Variants in SOS2 observed in about 807,000 individuals in gnomAD.
The protein encoded by SOS2 is son of sevenless homolog 2.
SOS2 carries 65 observed loss-of-function variants against 148.2 expected under a neutral mutation model. The ratio of observed to expected loss-of-function variants is 0.44; its 90% confidence interval spans 0.36 to 0.54. The LOEUF is 0.54. SOS2 is among the 20% of genes least tolerant of loss of function. The pLI is 0.00. For missense variants in SOS2, 1,341 were observed against 1,590.2 expected, an observed-to-expected ratio of 0.84 and a Z score of 2.67; for synonymous variants, 539 against 537.1, an observed-to-expected ratio of 1.00 and a Z score of -0.05.
intron 18 of SOS2, among the ~76,000 whole-genome samples, chr14:50,137,385 T>C (rs1401969172): frequency 1.3e-5 from 2 of 152,194 alleles, no homozygotes; most frequent in African/African-American, 2.4e-5. Context: ...TTATCTAAAA[T>C]GGCTATCAAA....
intron 2 of SOS2, among the ~76,000 whole-genome samples, chr14:50,203,593 T>C (rs1207149252): frequency 3.9e-4 from 1 of 2,560 alleles, no homozygotes; most frequent in Non-Finnish European, 9.8e-4. Context: ...GTTTTTCAGA[T>C]ATATATATAT....
intron 4 of SOS2, among the ~76,000 whole-genome samples, chr14:50,189,061 TCACACACACACACACACACACACA>T (rs10599812): frequency 7.8e-6 from 1 of 128,688 alleles, no homozygotes; most frequent in Non-Finnish European, 1.6e-5. Flanking sequence ...CGAGACTCCA[TCACACACACACACACACACACACA>T]CACACACACA....
At chr14:50,231,093 C>A in intron 1 of SOS2, 104 bp downstream of exon 1, 1 of 673,792 alleles carries the variant, frequency 1.5e-6, no homozygotes, top group Non-Finnish European at 2.1e-6. Context: ...CGAGAAACGG[C>A]TCGGCCCCGG....
At chr14:50,225,977 T>G (rs1887359003) in intron 1 of SOS2, among the ~76,000 whole-genome samples, 1 of 151,862 alleles carries the variant, frequency 6.6e-6, no homozygotes, top group South Asian at 2.1e-4. Context: ...ACAAATCATG[T>G]TCTTACTTTC....
At chr14:50,130,992 G>T (rs1439915679) in intron 19 of SOS2, among the ~76,000 whole-genome samples, 2 of 152,040 alleles carry the variant, frequency 1.3e-5, no homozygotes, top group Non-Finnish European at 2.9e-5. Flanking sequence ...CAGCACTGCA[G>T]AAATAAAATT....
chr14:50,159,873 T>A lies in SOS2; in HGVS notation c.1410A>T (p.Lys470Asn). ...FLFDGLMISC[K>N]PNHGQTRLPG... ...GAAGCCGAGTCTGGCCATGATTAGG[T>A]TTACAACTGATCATTAAGCCATCAA... Residue 470 changes from lysine (K) to asparagine (N), a missense_variant, in exon 10 of 23, where the codon AAA (lysine) becomes AAT (asparagine). Coordinates refer to ENST00000216373, the MANE Select transcript of SOS2 (RefSeq NM_006939.4). 1 of 1,614,118 alleles carries A rather than the reference T, an allele frequency of 6.2e-7. No homozygotes were observed. The highest frequency in any genetic ancestry group is 8.5e-7 in the Non-Finnish European group (1 of 1,180,006).
chr14:50,193,813 C>T (rs1386247677), intron 4 of SOS2, among the ~76,000 whole-genome samples: 6 of 151,284 alleles, frequency 4.0e-5, no homozygotes, highest in South Asian at 2.1e-4. Flanking sequence ...AAGTGGTACT[C>T]GGCTCACTGC....
At chr14:50,188,860 C>T (rs1472198152) in intron 4 of SOS2, among the ~76,000 whole-genome samples, 160 bp from the exon 5 acceptor site, 1 of 152,034 alleles carries the variant, frequency 6.6e-6, no homozygotes, top group Admixed American at 6.6e-5. Flanking sequence ...GTCAGGAGTT[C>T]AAGGCCAGCC....
chr14:50,130,090 C>T (rs946929502), intron 20 of SOS2, 88 bp from the exon 21 acceptor site: 24 of 795,700 alleles, frequency 3.0e-5, no homozygotes, highest in Non-Finnish European at 4.8e-5. Flanking sequence ...ACGTAATACA[C>T]AGTGCAGAAT....
intron 8 of SOS2, among the ~76,000 whole-genome samples, chr14:50,166,500 A>C (rs1885171382): frequency 6.6e-6 from 1 of 152,162 alleles, no homozygotes; most frequent in Non-Finnish European, 1.5e-5. Flanking sequence ...AAGTGCTAGG[A>C]TTACAAGCAT....
At chr14:50,158,516 T>C (rs764468347) in intron 11 of SOS2, 49 bp downstream of exon 11, 3 of 1,147,718 alleles carry the variant, frequency 2.6e-6, no homozygotes, top group Non-Finnish European at 3.9e-6. Context: ...CAAAATACAG[T>C]TAATTTTTCA....
At chr14:50,221,929 G>T (rs188716547) in intron 1 of SOS2, among the ~76,000 whole-genome samples, 1 of 151,932 alleles carries the variant, frequency 6.6e-6, no homozygotes, top group African/African-American at 2.4e-5. Flanking sequence ...AGACTTTTTT[G>T]TTGTTGTAAG....
intron 18 of SOS2, 122 bp downstream of exon 18, chr14:50,138,490 A>C: frequency 2.2e-6 from 1 of 456,990 alleles, no homozygotes. Context: ...TCTGCAATTA[A>C]ATTATTATGG....
chr14:50,173,216 C>T (rs992622447), intron 8 of SOS2, among the ~76,000 whole-genome samples: 2 of 151,988 alleles, frequency 1.3e-5, no homozygotes, highest in African/African-American at 4.8e-5. Context: ...GATACCACAT[C>T]GTTGGTTTAG....
intron 1 of SOS2, among the ~76,000 whole-genome samples, chr14:50,205,476 T>C (rs895442223): frequency 5.3e-5 from 8 of 152,170 alleles, no homozygotes; most frequent in African/African-American, 1.7e-4. Flanking sequence ...AAACACAGCA[T>C]TGAAGTTAAC....
At chr14:50,202,347 C>T (rs906028832) in intron 2 of SOS2, among the ~76,000 whole-genome samples, 38 of 152,182 alleles carry the variant, frequency 2.5e-4, no homozygotes, top group African/African-American at 8.9e-4. Flanking sequence ...TCTAATTTAG[C>T]AGGGTTTCCT....
chr14:50,144,921 G>A (rs867100639), intron 16 of SOS2, among the ~76,000 whole-genome samples: 38 of 151,986 alleles, frequency 2.5e-4, no homozygotes, highest in African/African-American at 8.9e-4. Context: ...TTACACGGCA[G>A]TGCAAGTCTC....
intron 1 of SOS2, among the ~76,000 whole-genome samples, chr14:50,227,308 G>A (rs184378915): frequency 7.0e-6 from 1 of 143,524 alleles, no homozygotes; most frequent in African/African-American, 2.6e-5. Context: ...GCAGTGGTGC[G>A]ATCTCAGCCC....
chr14:50,154,555 A>C (rs898842535), intron 12 of SOS2, among the ~76,000 whole-genome samples: 2 of 152,212 alleles, frequency 1.3e-5, no homozygotes, highest in Admixed American at 6.5e-5. Flanking sequence ...TATTCATAAT[A>C]ATAAAAAACG....
Sources: allele counts gnomAD v4.1 joint callset (sites outside exome capture counted in the v4.1 genomes callset), GRCh38; gene constraint gnomAD v4.1.1; transcripts MANE v1.5; gene names NCBI Gene and HGNC (gene_info 2026-07-23, HGNC 2026-07-21).